The following COL19A1 variants were observed in gnomAD, a reference collection of about 807,000 sequenced individuals.
The protein encoded by COL19A1 is collagen type XIX alpha 1 chain, also known as collagen alpha-1(XIX) chain.
Under a neutral mutation model 190.2 loss-of-function variants are expected in COL19A1, and 159 were observed. That is an observed-to-expected ratio of 0.84 (90% CI 0.73 to 0.95). COL19A1 has a LOEUF of 0.95. Among genes scored for constraint, COL19A1 ranks in the 40% least tolerant of loss-of-function variants. The pLI, the probability that COL19A1 is intolerant of heterozygous loss-of-function variation, is 0.00. For synonymous variants in COL19A1, 509 were observed against 458.9 expected (o/e 1.11, Z -1.39); for missense variants, 1,418 against 1,431.9 (o/e 0.99, Z 0.16).
At chr6:70,150,899 T>C (rs554609565) in intron 30 of COL19A1, among the ~76,000 whole-genome samples, 1 of 152,298 alleles carries the variant, frequency 6.6e-6, no homozygotes, top group East Asian at 1.9e-4. Flanking sequence ...GTAGCCCAAG[T>C]TCCTTCAGTG....
At chr6:70,118,857 G>A (rs1034927168) in intron 16 of COL19A1, among the ~76,000 whole-genome samples, 1 of 151,916 alleles carries the variant, frequency 6.6e-6, no homozygotes, top group Non-Finnish European at 1.5e-5. Context: ...GCTGCACTGA[G>A]CCGTGCATAT....
At chr6:70,202,091 T>A (rs1767589429) in intron 49 of COL19A1, among the ~76,000 whole-genome samples, 1 of 152,222 alleles carries the variant, frequency 6.6e-6, no homozygotes. Context: ...ATTAGTCCTC[T>A]TAATGACACA....
Position 69,934,555 on chromosome 6 carries a change from A to T in COL19A1, c.747+1692A>T, listed in dbSNP as rs141601059. 3.0e-3 allele frequency among the ~76,000 whole-genome samples: 459 copies of T among 152,064 alleles called. 5 individuals are homozygous for T. Among genetic ancestry groups the T allele is most frequent in the African/African-American group, 0.01 (430 of 41,534 alleles). ...TTTATGAGGAAATTGTTTAAGAAGT[A>T]TAGGTGATGAATTGGGTGGAATGGT... On this transcript the variant is annotated intron_variant, in intron 7 of 50. Coordinates refer to ENST00000620364, the MANE Select transcript of COL19A1 (RefSeq NM_001858.6).
rs113307589 is a variant in COL19A1, at chr6:70,172,352, G to C, written c.2622+335G>C. ...GAGCCAAGTCCCCTCCAGTCTGGAGGAATAATGTTCCAGGAAGAGGAAACA... is the reference window on the plus strand; with the variant it reads ...GAGCCAAGTCCCCTCCAGTCTGGAGCAATAATGTTCCAGGAAGAGGAAACA... On this transcript the variant is annotated intron_variant, in intron 41 of 50. Transcript: ENST00000620364. Among the ~76,000 whole-genome samples, 7 of 152,270 alleles carry C rather than the reference G, an allele frequency of 4.6e-5. 1 individual carries two copies. Among genetic ancestry groups the C allele is most frequent in the African/African-American group, 1.4e-4 (6 of 41,560 alleles).
rs185848520 is a variant in COL19A1, at chr6:70,090,325, G to A, written c.1225-11844G>A. Among the ~76,000 whole-genome samples the A allele has an allele frequency of 1.2e-3, 186 of 152,242 alleles. 1 individual carries two copies. Among genetic ancestry groups the A allele is most frequent in the African/African-American group, 4.4e-3 (182 of 41,544 alleles). ...AATATGGTTACATCTTACTGAACAT[G>A]TACAGACATTTTTTTGGTCATTATT... On this transcript the variant is annotated intron_variant, in intron 15 of 50. Transcript: ENST00000620364.
intron 16 of COL19A1, among the ~76,000 whole-genome samples, chr6:70,113,422 G>A (rs1784389320): frequency 6.6e-6 from 1 of 152,140 alleles, no homozygotes; most frequent in Admixed American, 6.6e-5. Flanking sequence ...CATTTTCCCT[G>A]AGTGAGACAA....
chr6:70,185,285 G>T (rs1766438318), intron 46 of COL19A1, among the ~76,000 whole-genome samples: 1 of 152,134 alleles, frequency 6.6e-6, no homozygotes, highest in Non-Finnish European at 1.5e-5. Flanking sequence ...AATTGTTGTG[G>T]TTGGCTGTTT....
At chr6:70,022,002 C>T (rs910559513) in intron 11 of COL19A1, among the ~76,000 whole-genome samples, 2 of 151,996 alleles carry the variant, frequency 1.3e-5, no homozygotes, top group Non-Finnish European at 2.9e-5. Flanking sequence ...CCAGTGATTA[C>T]GTTATTTTTT....
chr6:70,175,934 T>C (rs1765775017), intron 41 of COL19A1, among the ~76,000 whole-genome samples: 1 of 152,156 alleles, frequency 6.6e-6, no homozygotes, highest in Non-Finnish European at 1.5e-5. Flanking sequence ...TATTATCCCA[T>C]ATATATAGTC....
chr6:69,918,539 A>C (rs1334623679), intron 4 of COL19A1, among the ~76,000 whole-genome samples: 1 of 152,040 alleles, frequency 6.6e-6, no homozygotes, highest in African/African-American at 2.4e-5. Flanking sequence ...TCTACAAAAA[A>C]ATAAAAAATA....
chr6:69,886,160 A>G (rs1431683993), intron 2 of COL19A1, among the ~76,000 whole-genome samples: 1 of 152,268 alleles, frequency 6.6e-6, no homozygotes, highest in Admixed American at 6.5e-5. Flanking sequence ...TGATTTAAAA[A>G]TGGACAAAGG....
At chr6:70,130,492 A>G (rs996975638) in intron 18 of COL19A1, among the ~76,000 whole-genome samples, 4 of 152,296 alleles carry the variant, frequency 2.6e-5, no homozygotes, top group Middle Eastern at 3.4e-3. Flanking sequence ...TCCCAAAGTT[A>G]TGGGATTACA....
Position 70,149,736 on chromosome 6 carries a change from T to A in COL19A1, c.1926T>A (p.Ile642=). The A allele has an allele frequency of 1.2e-6, 2 of 1,613,662 alleles. No homozygotes were observed. The highest frequency in any genetic ancestry group is 1.7e-6 in the Non-Finnish European group (2 of 1,179,756). Residue 642 remains isoleucine, a synonymous_variant, in exon 28 of 51, where the codon ATT becomes ATA. Transcript: ENST00000620364. ...AAGGACCAGCTGGAGAGCCAGGTAT[T>A]CAGGTAAGCTATTTAACTAATTTTT... The part of the protein sequence containing the change: ...GAQGPAGEPG[I]QGPRGLPGLP...
intron 4 of COL19A1, among the ~76,000 whole-genome samples, chr6:69,910,357 A>G (rs1252897680): frequency 1.3e-5 from 2 of 152,214 alleles, no homozygotes; most frequent in Non-Finnish European, 2.9e-5. Flanking sequence ...CATTTTATAG[A>G]TGAAAAATGA....
intron 11 of COL19A1, among the ~76,000 whole-genome samples, chr6:70,023,131 CTATT>C (rs1778511693): frequency 7.0e-6 from 1 of 142,230 alleles, no homozygotes; most frequent in Non-Finnish European, 1.5e-5. Context: ...TTTTATGCAG[CTATT>C]TTTTTTTTTT....
chr6:70,184,789 A>T, intron 45 of COL19A1, 51 bp downstream of exon 45: 1 of 1,603,378 alleles, frequency 6.2e-7, no homozygotes. Context: ...CTGCATCCAG[A>T]ATACCTACCA....
At chr6:70,035,866 A>G in intron 13 of COL19A1, 38 bp from the exon 14 acceptor site, 4 of 1,572,854 alleles carry the variant, frequency 2.5e-6, no homozygotes, top group Non-Finnish European at 3.5e-6. Context: ...GCAAAAAGGG[A>G]CTAGTGGTAA....
rs372380671 is a variant in COL19A1 at position 70,031,956 on chromosome 6, G to A, written c.1081-2289G>A. Reference sequence around the variant, plus strand: ...TCGTTGACACTTGTTTTTAAAAAGCGATAAGGAAGACATTTTATTCCAGAC... The same window carrying A: ...TCGTTGACACTTGTTTTTAAAAAGCAATAAGGAAGACATTTTATTCCAGAC... On this transcript the variant is annotated intron_variant, in intron 12 of 50. Transcript: ENST00000620364. 4.6e-4 allele frequency among the ~76,000 whole-genome samples: 70 copies of A among 152,252 alleles called. No homozygotes were observed. The East Asian group carries it at 5.8e-3, about 13-fold the overall frequency.
chr6:69,946,317 T>C (rs1773795205), intron 9 of COL19A1, among the ~76,000 whole-genome samples: 1 of 152,042 alleles, frequency 6.6e-6, no homozygotes, highest in African/African-American at 2.4e-5. Flanking sequence ...ATTATGAACA[T>C]ATTTTGGTTT....
Sources: gnomAD v4.1 joint callset for allele counts (sites outside exome capture counted in the v4.1 genomes callset) on GRCh38, gnomAD v4.1.1 for gene constraint, MANE v1.5 for transcripts, NCBI Gene and HGNC (gene_info 2026-07-23, HGNC 2026-07-21) for gene names.